CD99: variants seen among roughly 807,000 people sequenced by gnomAD.
CD99 encodes the protein CD99 antigen.
CD99 carries 19 observed loss-of-function variants against 28.4 expected under a neutral mutation model. The observed-to-expected ratio is 0.67, with a 90% CI of 0.47 to 0.98. The LOEUF is 0.98. CD99 is among the 50% of genes least tolerant of loss of function. CD99 has a pLI of 0.00. For missense variants in CD99, 283 were observed against 248.8 expected, an observed-to-expected ratio of 1.14 and a Z score of -0.92; for synonymous variants, 103 against 92.1, an observed-to-expected ratio of 1.12 and a Z score of -0.67.
chrX:2,704,550 C>T (rs1603265369), intron 1 of CD99, among the ~76,000 whole-genome samples: 1 of 152,278 alleles, frequency 6.6e-6, no homozygotes, highest in African/African-American at 2.4e-5. Flanking sequence ...TCTTGTGCCT[C>T]AGCCTCCCAA....
chrX:2,740,745 G>C (rs2050156026), intron 9 of CD99, 34 bp from the exon 10 acceptor site: 19 of 1,612,300 alleles, frequency 1.2e-5, no homozygotes, highest in Non-Finnish European at 1.6e-5. Flanking sequence ...TCAGGGACCT[G>C]GGAATGACTT....
At chrX:2,707,465 C>G (rs2048178518) in intron 1 of CD99, among the ~76,000 whole-genome samples, 1 of 152,180 alleles carries the variant, frequency 6.6e-6, no homozygotes, top group South Asian at 2.1e-4. Context: ...CTCACACACC[C>G]CATGTGGCCT....
intron 1 of CD99, among the ~76,000 whole-genome samples, chrX:2,711,243 A>G (rs1444073831): frequency 2.7e-5 from 4 of 147,684 alleles, no homozygotes; most frequent in Non-Finnish European, 5.9e-5. Context: ...TAATATATAT[A>G]TGTGTATATA....
intron 1 of CD99, among the ~76,000 whole-genome samples, chrX:2,693,870 C>T (rs1255549357): frequency 2.0e-5 from 3 of 152,154 alleles, no homozygotes; most frequent in Non-Finnish European, 4.4e-5. Flanking sequence ...TTTTGGTTGC[C>T]ACCCTGGGGT....
intron 2 of CD99, among the ~76,000 whole-genome samples, chrX:2,716,590 C>T (rs1372401963): frequency 2.0e-5 from 3 of 152,176 alleles, no homozygotes; most frequent in South Asian, 2.1e-4. Context: ...CATGTGGGTT[C>T]GAGCAATCCT....
At chrX:2,735,329 C>T (rs1266804925) in intron 8 of CD99, among the ~76,000 whole-genome samples, 7 of 152,130 alleles carry the variant, frequency 4.6e-5, no homozygotes, top group African/African-American at 7.2e-5. Flanking sequence ...AAAAGCACCA[C>T]GAATTGTTTG....
intron 7 of CD99, among the ~76,000 whole-genome samples, chrX:2,724,369 G>A (rs761174837): frequency 5.9e-5 from 9 of 152,306 alleles, no homozygotes; most frequent in African/African-American, 2.2e-4. Flanking sequence ...TGGAGCCAGT[G>A]TTTTTGCTGA....
At chrX:2,730,247 A>G (rs2049525527) in intron 8 of CD99, among the ~76,000 whole-genome samples, 1 of 149,028 alleles carries the variant, frequency 6.7e-6, no homozygotes, top group Admixed American at 6.8e-5. Context: ...ATCTCGGCTC[A>G]CTGCAGCCTC....
chrX:2,733,501 A>G (rs1236562930), intron 8 of CD99: 2 of 943,286 alleles, frequency 2.1e-6, no homozygotes, highest in Non-Finnish European at 3.3e-6. Flanking sequence ...AATTCCCACC[A>G]CGATGGGATT....
At chrX:2,715,094 G>C (rs311073) in intron 2 of CD99, 24,045 of 152,246 alleles carry the variant, frequency 0.16, 4,264 homozygotes, top group African/African-American at 0.44. Context: ...GGCACCCGCT[G>C]TCTCCATGGG....
intron 8 of CD99, among the ~76,000 whole-genome samples, chrX:2,732,220 G>A (rs1412048567): frequency 6.6e-6 from 1 of 152,032 alleles, no homozygotes; most frequent in Non-Finnish European, 1.5e-5. Context: ...CTGTGACTTC[G>A]CATCTGGGTG....
chrX:2,730,389 G>A (rs1465836241), intron 8 of CD99, among the ~76,000 whole-genome samples: 1 of 151,994 alleles, frequency 6.6e-6, no homozygotes, highest in African/African-American at 2.4e-5. Context: ...AGCCAGGATG[G>A]TCTTGATCTC....
intron 1 of CD99, among the ~76,000 whole-genome samples, chrX:2,708,138 G>C (rs966719710): frequency 6.6e-6 from 1 of 152,030 alleles, no homozygotes; most frequent in Non-Finnish European, 1.5e-5. Context: ...ACACACCTGG[G>C]GGACTGCCTC....
Position 2,720,498 on chromosome X carries a change from G to C in CD99, c.262+74G>C, listed in dbSNP as rs779632684. 148 of 1,420,854 alleles carry C rather than the reference G, an allele frequency of 1.0e-4. No homozygotes were observed. The African/African-American group carries it at 1.7e-3, about 17-fold the overall frequency. The allele number at this position is 1,420,854 out of a possible 1,614,324, so 88.0% of individuals were successfully genotyped here. A position where few individuals can be genotyped will look rare whatever the true frequency, so the allele number is the denominator to read the frequency against. On this transcript the variant is annotated intron_variant, in intron 5 of 9. Coordinates refer to ENST00000381192, the MANE Select transcript of CD99 (RefSeq NM_002414.5). ...GCGATATTTATGTCAGCTGAGAGGA[G>C]GTGATTTCAGATGAGTGTGTGCTTA...
intron 7 of CD99, among the ~76,000 whole-genome samples, chrX:2,724,193 G>A (rs981562027): frequency 2.6e-5 from 4 of 152,104 alleles, no homozygotes; most frequent in Non-Finnish European, 5.9e-5. Flanking sequence ...CACATGTCTG[G>A]CATGTTTATC....
chrX:2,706,363 A>T (rs1441790050), intron 1 of CD99, among the ~76,000 whole-genome samples: 2 of 152,154 alleles, frequency 1.3e-5, no homozygotes, highest in African/African-American at 4.8e-5. Flanking sequence ...CTGTCTCAAA[A>T]AAAGGAAAAA....
intron 5 of CD99, among the ~76,000 whole-genome samples, chrX:2,720,832 C>T (rs371672643): frequency 1.7e-3 from 263 of 152,100 alleles, no homozygotes; most frequent in African/African-American, 6.2e-3. Flanking sequence ...GCCATGTTGG[C>T]CAGGCTGGTC....
At chrX:2,732,563 C>G (rs1232593092) in intron 8 of CD99, among the ~76,000 whole-genome samples, 1 of 82,724 alleles carries the variant, frequency 1.2e-5, no homozygotes, top group Non-Finnish European at 2.9e-5. Context: ...TCAGTTCTCC[C>G]TCTCTCTCTC....
chrX:2,692,010 C>T (rs1366443473), intron 1 of CD99: 14 of 716,716 alleles, frequency 2.0e-5, no homozygotes, highest in Middle Eastern at 2.7e-4. Flanking sequence ...GTGCTGTGCG[C>T]CAAGCAACAC....
Sources: allele counts gnomAD v4.1 joint callset (sites outside exome capture counted in the v4.1 genomes callset), GRCh38; gene constraint gnomAD v4.1.1; transcripts MANE v1.5; gene names NCBI Gene and HGNC (gene_info 2026-07-23, HGNC 2026-07-21).